CNTN5: variants seen among roughly 807,000 people sequenced by gnomAD.
The protein encoded by CNTN5 is contactin-5.
Under a neutral mutation model 129.1 loss-of-function variants are expected in CNTN5, and 77 were observed. The ratio of observed to expected loss-of-function variants is 0.60; its 90% CI spans 0.50 to 0.72. The LOEUF is 0.72. Ranked by LOEUF, CNTN5 falls within the 30% of genes least tolerant of loss-of-function variation. CNTN5 has a pLI of 0.00. For synonymous variants in CNTN5, 509 were observed against 465.6 expected, an observed-to-expected ratio of 1.09 and a Z score of -1.20; for missense variants, 1,478 against 1,328.8, an observed-to-expected ratio of 1.11 and a Z score of -1.75.
At chr11:100,074,420 A>T in intron 13 of CNTN5, 126 bp downstream of exon 13, 6 of 869,470 alleles carry the variant, frequency 6.9e-6, no homozygotes, top group Non-Finnish European at 1.1e-5. Context: ...TGATTGAAAC[A>T]TGGTTTTGCC....
At chr11:100,162,081 G>T (rs1185949835) in intron 13 of CNTN5, among the ~76,000 whole-genome samples, 1 of 151,650 alleles carries the variant, frequency 6.6e-6, no homozygotes, top group African/African-American at 2.4e-5. Flanking sequence ...AAGAGTCTGG[G>T]CTCAGGATCC....
intron 1 of CNTN5, among the ~76,000 whole-genome samples, chr11:99,293,969 A>T (rs1864278478): frequency 6.6e-6 from 1 of 150,410 alleles, no homozygotes; most frequent in Admixed American, 6.6e-5. Flanking sequence ...TTGGCATGTT[A>T]TTGCTTTTTT....
chr11:100,294,568 T>G (rs1951064336), intron 18 of CNTN5, among the ~76,000 whole-genome samples: 2 of 151,854 alleles, frequency 1.3e-5, no homozygotes, highest in South Asian at 4.1e-4. Context: ...GCTAATATGC[T>G]CAAGACATTT....
At chr11:99,176,636 C>T (rs551066233) in intron 1 of CNTN5, among the ~76,000 whole-genome samples, 6 of 152,312 alleles carry the variant, frequency 3.9e-5, no homozygotes, top group Non-Finnish European at 5.9e-5. Flanking sequence ...CACATCATTT[C>T]CAGTGTGTCA....
chr11:99,113,130 A>T (rs903067837), intron 1 of CNTN5, among the ~76,000 whole-genome samples: 7 of 152,164 alleles, frequency 4.6e-5, no homozygotes, highest in Middle Eastern at 3.4e-3. Flanking sequence ...TACACACAGG[A>T]TATAGAAGCA....
intron 6 of CNTN5, among the ~76,000 whole-genome samples, chr11:99,883,466 A>G (rs1254675628): frequency 6.6e-6 from 1 of 152,168 alleles, no homozygotes; most frequent in Non-Finnish European, 1.5e-5. Context: ...TCTGATGAGC[A>G]ATGATGTTGA....
At chr11:99,828,523 AT>A (rs1947039853) in intron 4 of CNTN5, among the ~76,000 whole-genome samples, 1 of 152,224 alleles carries the variant, frequency 6.6e-6, no homozygotes, top group Admixed American at 6.5e-5. Flanking sequence ...CCACCTCTTA[AT>A]GCTGTTACAA....
At chr11:99,704,817 T>C (rs1336095713) in intron 3 of CNTN5, among the ~76,000 whole-genome samples, 1 of 151,272 alleles carries the variant, frequency 6.6e-6, no homozygotes, top group Non-Finnish European at 1.5e-5. Flanking sequence ...ATGCGAAAGT[T>C]ATCCCCAAGT....
chr11:99,032,861 G>A (rs1863469830), intron 1 of CNTN5, among the ~76,000 whole-genome samples: 1 of 144,178 alleles, frequency 6.9e-6, no homozygotes, highest in Admixed American at 7.1e-5. Context: ...GTCCTGAATG[G>A]TATTGCCTAG....
At chr11:100,085,425 C>T (rs1402871692) in intron 13 of CNTN5, among the ~76,000 whole-genome samples, 1 of 152,026 alleles carries the variant, frequency 6.6e-6, no homozygotes, top group African/African-American at 2.4e-5. Context: ...GGTCTATGAA[C>T]AGTTATATTC....
At chr11:99,520,377 AG>A (rs1301336578) in intron 2 of CNTN5, among the ~76,000 whole-genome samples, 1 of 152,114 alleles carries the variant, frequency 6.6e-6, no homozygotes. Flanking sequence ...AATCCTCATC[AG>A]TGATACTAAG....
At chr11:99,741,810 C>G (rs1943895926) in intron 3 of CNTN5, among the ~76,000 whole-genome samples, 1 of 151,990 alleles carries the variant, frequency 6.6e-6, no homozygotes, top group Non-Finnish European at 1.5e-5. Context: ...TTTTCCATTA[C>G]ATTTACATAT....
At chr11:99,306,896 C>T (rs1864902203) in intron 1 of CNTN5, among the ~76,000 whole-genome samples, 1 of 151,946 alleles carries the variant, frequency 6.6e-6, no homozygotes, top group Admixed American at 6.6e-5. Context: ...ATTAAGAAGT[C>T]ATAAACTCTC....
intron 2 of CNTN5, among the ~76,000 whole-genome samples, chr11:99,469,826 A>G (rs954611031): frequency 1.3e-5 from 2 of 152,124 alleles, no homozygotes; most frequent in Non-Finnish European, 1.5e-5. Context: ...ATGAAATTCA[A>G]TTACTCTTAC....
At chr11:99,467,352 T>A (rs1350812896) in intron 2 of CNTN5, among the ~76,000 whole-genome samples, 1 of 152,188 alleles carries the variant, frequency 6.6e-6, no homozygotes, top group African/African-American at 2.4e-5. Flanking sequence ...CTTTCATTCA[T>A]TTGGAATTTA....
At chr11:100,338,697 C>A (rs1952090097) in intron 21 of CNTN5, among the ~76,000 whole-genome samples, 1 of 152,182 alleles carries the variant, frequency 6.6e-6, no homozygotes, top group Non-Finnish European at 1.5e-5. Context: ...ACAGCCAGAA[C>A]AGGCACATGT....
chr11:99,657,142 T>C (rs1952404261), intron 3 of CNTN5, among the ~76,000 whole-genome samples: 1 of 151,280 alleles, frequency 6.6e-6, no homozygotes, highest in Admixed American at 6.6e-5. Context: ...TCCAACAAAA[T>C]CTATACAGAA....
At chr11:99,382,847 T>TTTTTTTTG (rs1940670162) in intron 2 of CNTN5, among the ~76,000 whole-genome samples, 1 of 74,368 alleles carries the variant, frequency 1.3e-5, no homozygotes, top group African/African-American at 5.4e-5. Context: ...CTAAATAACT[T>TTTTTTTTG]TTTTTTTTTT....
intron 3 of CNTN5, among the ~76,000 whole-genome samples, chr11:99,643,491 G>T (rs1951843197): frequency 6.6e-6 from 1 of 152,184 alleles, no homozygotes; most frequent in Non-Finnish European, 1.5e-5. Context: ...TATAAATAAG[G>T]ATGATAACTA....
Sources: gnomAD v4.1 joint callset for allele counts (sites outside exome capture counted in the v4.1 genomes callset) on GRCh38, gnomAD v4.1.1 for gene constraint, MANE v1.5 for transcripts, NCBI Gene and HGNC (gene_info 2026-07-23, HGNC 2026-07-21) for gene names.